COL6A6: variants seen among roughly 807,000 people sequenced by gnomAD.
The protein encoded by COL6A6 is collagen alpha-6(VI) chain.
Under a neutral mutation model 208.6 loss-of-function variants are expected in COL6A6, and 183 were observed. The ratio of observed to expected loss-of-function variants is 0.88; its 90% CI spans 0.78 to 0.99. The LOEUF (loss-of-function observed/expected upper bound fraction) is 0.99. COL6A6 is among the 50% of genes least tolerant of loss of function. COL6A6 has a pLI of 0.00. For synonymous variants in COL6A6, 973 were observed against 1,011.8 expected (o/e 0.96, Z 0.73); for missense variants, 2,816 against 2,815.2 (o/e 1.00, Z -0.01).
At chr3:130,568,741 C>A in intron 6 of COL6A6, 137 bp downstream of exon 6, 1 of 854,536 alleles carries the variant, frequency 1.2e-6, no homozygotes, top group Non-Finnish European at 1.8e-6. Flanking sequence ...TGGCTTTGAC[C>A]TGTTGAATTA....
intron 2 of COL6A6, among the ~76,000 whole-genome samples, chr3:130,561,098 A>G (rs556037563): frequency 1.3e-5 from 2 of 152,232 alleles, no homozygotes; most frequent in Non-Finnish European, 2.9e-5. Flanking sequence ...TGAGCTTCTC[A>G]AGTAGAAGCC....
chr3:130,654,769 A>T (rs1377960492), intron 33 of COL6A6, among the ~76,000 whole-genome samples: 1 of 152,248 alleles, frequency 6.6e-6, no homozygotes, highest in Non-Finnish European at 1.5e-5. Flanking sequence ...ATGCAGAGCC[A>T]GCTGAACAAG....
intron 26 of COL6A6, among the ~76,000 whole-genome samples, chr3:130,631,170 AAAG>A (rs2064999254): frequency 2.6e-5 from 1 of 37,788 alleles, no homozygotes; most frequent in Non-Finnish European, 3.7e-5. Context: ...ATAAAGAAAA[AAAG>A]AGAGAAGAAT....
At chr3:130,605,251 A>C (rs1415118227) in intron 20 of COL6A6, among the ~76,000 whole-genome samples, 1 of 152,154 alleles carries the variant, frequency 6.6e-6, no homozygotes, top group Non-Finnish European at 1.5e-5. Flanking sequence ...TGCTTTCTTT[A>C]AAACTTGTAT....
At chr3:130,529,131 T>G (rs1479268538) in intron 1 of COL6A6, among the ~76,000 whole-genome samples, 2 of 152,020 alleles carry the variant, frequency 1.3e-5, no homozygotes, top group Non-Finnish European at 1.5e-5. Context: ...GGCCTCAATC[T>G]CATTTGATAG....
intron 20 of COL6A6, among the ~76,000 whole-genome samples, chr3:130,602,218 A>C (rs2064045079): frequency 6.6e-6 from 1 of 152,212 alleles, no homozygotes; most frequent in Non-Finnish European, 1.5e-5. Context: ...CAGTAGTAGA[A>C]GGAAGATGTA....
intron 25 of COL6A6, 92 bp downstream of exon 25, chr3:130,626,639 T>C: frequency 1.2e-6 from 1 of 864,446 alleles, no homozygotes; most frequent in South Asian, 1.4e-5. Context: ...GTTTTAAGGA[T>C]ACAATCCTCA....
chr3:130,622,809 A>T (rs563328555), intron 24 of COL6A6, among the ~76,000 whole-genome samples: 2 of 152,012 alleles, frequency 1.3e-5, no homozygotes, highest in Non-Finnish European at 2.9e-5. Context: ...GTGAGCTGAG[A>T]TCGCACCACC....
intron 33 of COL6A6, among the ~76,000 whole-genome samples, chr3:130,653,995 G>A (rs1217738839): frequency 6.6e-6 from 1 of 152,210 alleles, no homozygotes; most frequent in African/African-American, 2.4e-5. Flanking sequence ...CAGAAATATG[G>A]AAGTGGTCAT....
At chr3:130,601,678 T>C (rs1208070781) in intron 20 of COL6A6, among the ~76,000 whole-genome samples, 1 of 152,212 alleles carries the variant, frequency 6.6e-6, no homozygotes, top group Non-Finnish European at 1.5e-5. Context: ...GGTTATAGCT[T>C]CAGCCATGTC....
At chr3:130,539,244 TC>T (rs2062298190) in intron 1 of COL6A6, among the ~76,000 whole-genome samples, 1 of 152,226 alleles carries the variant, frequency 6.6e-6, no homozygotes, top group African/African-American at 2.4e-5. Context: ...AGTGACAACT[TC>T]TCAATGTGGA....
Position 130,568,221 on chromosome 3 carries a change from A to G in COL6A6, c.2018A>G (p.Glu673Gly). Reference protein sequence around the residue: ...VVQFSDINKEEFQLNRFMSQS... With the variant: ...VVQFSDINKEGFQLNRFMSQS... Reference sequence around the variant, plus strand: ...CAGTTCAGCGACATCAATAAGGAAGAGTTTCAGCTCAACAGATTCATGTCC... The same window carrying G: ...CAGTTCAGCGACATCAATAAGGAAGGGTTTCAGCTCAACAGATTCATGTCC... Residue 673 changes from glutamate (E) to glycine (G), a missense_variant, in exon 6 of 37, where the codon GAG becomes GGG. Transcript: ENST00000358511. 6.2e-7 allele frequency: 1 copy of G among 1,614,014 alleles called. No individual in the cohort carries two copies.
chr3:130,556,354 A>G (rs756924740), intron 1 of COL6A6, among the ~76,000 whole-genome samples: 5 of 152,240 alleles, frequency 3.3e-5, no homozygotes, highest in Admixed American at 1.3e-4. Context: ...TACTGGCCCT[A>G]TACAAATAAG....
chr3:130,644,631 T>C (rs763399435), intron 31 of COL6A6, among the ~76,000 whole-genome samples: 1 of 152,210 alleles, frequency 6.6e-6, no homozygotes, highest in African/African-American at 2.4e-5. Context: ...GTTATAGATA[T>C]CTACATGGGA....
Position 130,593,261 on chromosome 3 carries a change from T to C in COL6A6, c.4470+9T>C. ...GAGATGAGGGATCTCAGGTAGGGAT[T>C]TGAAAAGGAAGAACATAAAAATTGT... On this transcript the variant is annotated intron_variant, in intron 17 of 36. Transcript: ENST00000358511. 6.2e-7 allele frequency: 1 copy of C among 1,606,840 alleles called. No homozygotes were observed. The highest frequency in any genetic ancestry group is 1.1e-5 in the South Asian group (1 of 90,956).
intron 32 of COL6A6, among the ~76,000 whole-genome samples, chr3:130,647,709 G>A (rs976689600): frequency 1.3e-5 from 2 of 152,206 alleles, no homozygotes; most frequent in South Asian, 2.1e-4. Flanking sequence ...GCCAGCCTAC[G>A]TGAGCCCCAG....
chr3:130,621,803 C>T lies in COL6A6; in HGVS notation c.4816-18C>T, dbSNP rs377043612. The T allele has an allele frequency of 2.5e-6, 4 of 1,611,568 alleles. No individual in the cohort carries two copies. The African/African-American group carries it at 5.3e-5, about 22-fold the overall frequency. On this transcript the variant is annotated intron_variant, in intron 23 of 36. Coordinates refer to ENST00000358511, the MANE Select transcript of COL6A6 (RefSeq NM_001102608.3). ...CTTTATGTTTTGCTATATTTGCAAACCCCTTGTTTTGTTTCAGGGGCCTCC... is the reference window on the plus strand; with the variant it reads ...CTTTATGTTTTGCTATATTTGCAAATCCCTTGTTTTGTTTCAGGGGCCTCC...
chr3:130,540,371 T>G (rs2062333479), intron 1 of COL6A6, among the ~76,000 whole-genome samples: 1 of 152,200 alleles, frequency 6.6e-6, no homozygotes, highest in Admixed American at 6.5e-5. Flanking sequence ...TAATTTACAT[T>G]AGGGTTTACT....
chr3:130,634,238 T>TAAAAAAAAAAAAAAAA (rs1553713527), intron 26 of COL6A6, among the ~76,000 whole-genome samples: 4 of 16,200 alleles, frequency 2.5e-4, no homozygotes, highest in Non-Finnish European at 3.7e-4. Context: ...AATAAATAAA[T>TAAAAAAAAAAAAAAAA]AAATAAAAAA....
Sources: allele counts gnomAD v4.1 joint callset (sites outside exome capture counted in the v4.1 genomes callset), GRCh38; gene constraint gnomAD v4.1.1; transcripts MANE v1.5; gene names NCBI Gene and HGNC (gene_info 2026-07-23, HGNC 2026-07-21).